Variants in LRP1B observed in about 807,000 individuals in gnomAD.
LRP1B encodes low-density lipoprotein receptor-related protein 1B.
In LRP1B, 217 loss-of-function variants were observed where a neutral mutation model predicts 556.6. The ratio of observed to expected loss-of-function variants is 0.39; its 90% CI spans 0.35 to 0.44. The LOEUF (loss-of-function observed/expected upper bound fraction) is 0.44, where lower values mean the gene tolerates loss of function less well. Among genes scored for constraint, LRP1B ranks in the 20% least tolerant of loss-of-function variants. LRP1B has a pLI of 1.00. For missense variants in LRP1B, 5,053 were observed against 5,620.8 expected, an observed-to-expected ratio of 0.90 and a Z score of 3.23; for synonymous variants, 2,047 against 1,865.8, an observed-to-expected ratio of 1.10 and a Z score of -2.50.
intron 2 of LRP1B, among the ~76,000 whole-genome samples, chr2:141,697,962 C>G (rs778639179): frequency 2.0e-5 from 3 of 151,764 alleles, no homozygotes; most frequent in Non-Finnish European, 2.9e-5. Context: ...TGTTTAGCAC[C>G]AACATTCTCT....
At chr2:141,816,380 G>A (rs1368227931) in intron 1 of LRP1B, among the ~76,000 whole-genome samples, 1 of 152,172 alleles carries the variant, frequency 6.6e-6, no homozygotes, top group Non-Finnish European at 1.5e-5. Context: ...GAAGGTGGAA[G>A]AACTAGACTG....
intron 18 of LRP1B, among the ~76,000 whole-genome samples, chr2:140,965,560 A>AATT (rs5834793): frequency 0.8 from 121,817 of 151,726 alleles, 49,618 homozygotes; most frequent in Non-Finnish European, 0.87. Context: ...ATTTTCTTTT[A>AATT]ATTTTTTTAT....
chr2:140,770,850 A>G, intron 34 of LRP1B, 31 bp downstream of exon 34: 1 of 1,514,338 alleles, frequency 6.6e-7, no homozygotes, highest in Non-Finnish European at 8.8e-7. Context: ...AAGTAAATGA[A>G]CCAGAGGTAA....
At chr2:140,383,129 A>T (rs1413344128) in intron 67 of LRP1B, among the ~76,000 whole-genome samples, 1 of 152,190 alleles carries the variant, frequency 6.6e-6, no homozygotes, top group African/African-American at 2.4e-5. Context: ...GTTAAGCAAC[A>T]CATGATGATA....
At chr2:140,625,904 C>T (rs993226738) in intron 41 of LRP1B, among the ~76,000 whole-genome samples, 1 of 152,096 alleles carries the variant, frequency 6.6e-6, no homozygotes, top group East Asian at 1.9e-4. Context: ...AACTTATGTC[C>T]AAACAAAAAT....
chr2:142,094,118 A>G (rs966725535), intron 1 of LRP1B, among the ~76,000 whole-genome samples: 3 of 152,060 alleles, frequency 2.0e-5, no homozygotes, highest in South Asian at 4.1e-4. Flanking sequence ...TAAGGGCACT[A>G]ATCTCATTCA....
chr2:141,412,203 C>G (rs1183258341), intron 3 of LRP1B, among the ~76,000 whole-genome samples: 4 of 152,126 alleles, frequency 2.6e-5, no homozygotes, highest in African/African-American at 9.7e-5. Flanking sequence ...AAGATTATGA[C>G]TTTTAATTCC....
chr2:141,771,942 C>G (rs1694913909), intron 2 of LRP1B, among the ~76,000 whole-genome samples: 1 of 152,076 alleles, frequency 6.6e-6, no homozygotes, highest in African/African-American at 2.4e-5. Flanking sequence ...CCTCAGCCTC[C>G]CGAGTAGCTG....
chr2:140,755,546 G>A (rs75611663), intron 35 of LRP1B, among the ~76,000 whole-genome samples: 92 of 151,642 alleles, frequency 6.1e-4, no homozygotes, highest in Non-Finnish European at 6.9e-4. Context: ...TTATTACACC[G>A]TATCAACAGA....
Position 141,071,361 on chromosome 2 carries a change from T to C in LRP1B, c.1014-9088A>G, listed in dbSNP as rs552805683. Among the ~76,000 whole-genome samples, 4 of 151,792 alleles carry C rather than the reference T, an allele frequency of 2.6e-5. No homozygotes were observed. In the South Asian group the frequency reaches 8.3e-4, roughly 32 times the overall value. On this transcript the variant is annotated intron_variant, in intron 7 of 90. Coordinates refer to ENST00000389484, the MANE Select transcript of LRP1B (RefSeq NM_018557.3). Reference sequence around the variant, plus strand: ...GGTATTGATGGGACGTATCTCAAAATAATAAGAGCTATCTATGACAAACCC... The same window carrying C: ...GGTATTGATGGGACGTATCTCAAAACAATAAGAGCTATCTATGACAAACCC...
chr2:142,034,379 T>C lies in LRP1B; in HGVS notation c.82+96269A>G, dbSNP rs531090588. Among the ~76,000 whole-genome samples, 166 of 151,880 alleles carry C rather than the reference T, an allele frequency of 1.1e-3. 1 individual carries two copies. The highest frequency in any genetic ancestry group is 0.01 in the Middle Eastern group (3 of 294). Reference sequence around the variant, plus strand: ...TATTCACATGTATTCTAGCTATAGTTGTGTACTGATCATTCCCTAAATATG... The same window carrying C: ...TATTCACATGTATTCTAGCTATAGTCGTGTACTGATCATTCCCTAAATATG... On this transcript the variant is annotated intron_variant, in intron 1 of 90. Coordinates refer to ENST00000389484, the MANE Select transcript of LRP1B (RefSeq NM_018557.3).
intron 2 of LRP1B, among the ~76,000 whole-genome samples, chr2:141,561,646 C>T (rs35007711): frequency 0.079 from 12,063 of 151,890 alleles, 570 homozygotes; most frequent in South Asian, 0.13. Flanking sequence ...ATAGCCTAGT[C>T]TAAGATTGAA....
intron 51 of LRP1B, among the ~76,000 whole-genome samples, chr2:140,511,803 C>A (rs1186237098): frequency 1.3e-5 from 2 of 152,012 alleles, no homozygotes; most frequent in African/African-American, 2.4e-5. Flanking sequence ...AATAAATGTA[C>A]TTTCATTTAA....
At chr2:140,537,598 C>T (rs1679967265) in intron 45 of LRP1B, among the ~76,000 whole-genome samples, 3 of 152,036 alleles carry the variant, frequency 2.0e-5, no homozygotes. Flanking sequence ...ATGAAATGTA[C>T]AGGAATCAGT....
chr2:141,457,482 A>T (rs923782214), intron 3 of LRP1B, among the ~76,000 whole-genome samples: 1 of 152,122 alleles, frequency 6.6e-6, no homozygotes, highest in Non-Finnish European at 1.5e-5. Context: ...TAGCTAATAC[A>T]TGCTGGATTT....
intron 2 of LRP1B, among the ~76,000 whole-genome samples, chr2:141,628,798 C>A (rs1688796591): frequency 6.6e-6 from 1 of 151,978 alleles, no homozygotes; most frequent in Non-Finnish European, 1.5e-5. Flanking sequence ...CAGGTACTTG[C>A]CACCACACCC....
At chr2:141,992,317 G>C (rs541904221) in intron 1 of LRP1B, among the ~76,000 whole-genome samples, 131 of 152,204 alleles carry the variant, frequency 8.6e-4, no homozygotes, top group African/African-American at 3.1e-3. Context: ...ACCATGGACT[G>C]AGTGGATGGG....
chr2:140,474,591 A>T (rs1025351680), intron 60 of LRP1B, among the ~76,000 whole-genome samples: 1 of 151,924 alleles, frequency 6.6e-6, no homozygotes, highest in Non-Finnish European at 1.5e-5. Context: ...AATTTGAGTC[A>T]TTTGTGGCTT....
intron 1 of LRP1B, among the ~76,000 whole-genome samples, chr2:141,834,519 A>G (rs173291): frequency 0.43 from 65,668 of 151,632 alleles, 14,495 homozygotes; most frequent in Middle Eastern, 0.57. Flanking sequence ...AGGTACCATT[A>G]AATAAGGTAG....
Sources: allele counts gnomAD v4.1 joint callset (sites outside exome capture counted in the v4.1 genomes callset), GRCh38; gene constraint gnomAD v4.1.1; transcripts MANE v1.5; gene names NCBI Gene and HGNC (gene_info 2026-07-23, HGNC 2026-07-21).